The following CSGALNACT2 variants were observed in gnomAD, a reference collection of about 807,000 sequenced individuals.
CSGALNACT2 encodes chondroitin sulfate N-acetylgalactosaminyltransferase 2.
Under a neutral mutation model 55.3 loss-of-function variants are expected in CSGALNACT2, and 35 were observed. The observed-to-expected ratio is 0.63, with a 90% CI of 0.48 to 0.84. The LOEUF is 0.84. Among genes scored for constraint, CSGALNACT2 ranks in the 40% least tolerant of loss-of-function variants. CSGALNACT2 has a pLI of 0.00. For synonymous variants in CSGALNACT2, 196 were observed against 224.9 expected, an observed-to-expected ratio of 0.87 and a Z score of 1.15; for missense variants, 544 against 657.5, an observed-to-expected ratio of 0.83 and a Z score of 1.89.
chr10:43,143,901 T>G (rs1188031640), intron 1 of CSGALNACT2, among the ~76,000 whole-genome samples: 1 of 152,212 alleles, frequency 6.6e-6, no homozygotes, highest in Non-Finnish European at 1.5e-5. Flanking sequence ...TACAGACCAC[T>G]TATTCAATAA....
At chr10:43,163,319 C>A in intron 4 of CSGALNACT2, 1 of 766,028 alleles carries the variant, frequency 1.3e-6, no homozygotes, top group Non-Finnish European at 1.6e-6. Flanking sequence ...ATGAACAAAA[C>A]AAAATCCCTG....
intron 6 of CSGALNACT2, among the ~76,000 whole-genome samples, chr10:43,174,945 G>T (rs1483409962): frequency 1.3e-5 from 2 of 152,202 alleles, no homozygotes; most frequent in Non-Finnish European, 2.9e-5. Flanking sequence ...GTAAGCAGAA[G>T]TGATTCCAAG....
intron 6 of CSGALNACT2, among the ~76,000 whole-genome samples, chr10:43,174,245 A>G (rs1230007161): frequency 6.6e-6 from 1 of 151,772 alleles, no homozygotes; most frequent in African/African-American, 2.4e-5. Flanking sequence ...AAACTCATCC[A>G]TCAGCTCCAA....
At position 43,138,984 on chromosome 10, in the gene CSGALNACT2, T is replaced by G. The variant is rs945985775; in HGVS notation, c.-254+417T>G. ...GGAGGGCTCAGTGGGGCGGAGGAGA[T>G]GGGGAGCCTCTGGCGTTGTCGGAGA... On this transcript the variant is annotated intron_variant, in intron 1 of 7. Transcript: ENST00000374466. Among the ~76,000 whole-genome samples the G allele has an allele frequency of 5.1e-4, 78 of 151,602 alleles. 1 individual carries two copies. The highest frequency in any genetic ancestry group is 1.8e-3 in the African/African-American group (76 of 41,222).
intron 4 of CSGALNACT2, chr10:43,162,595 C>G: frequency 1.0e-6 from 1 of 985,434 alleles, no homozygotes; most frequent in Non-Finnish European, 1.2e-6. Flanking sequence ...ACTCCATGCA[C>G]TATTTGAGCC....
intron 1 of CSGALNACT2, among the ~76,000 whole-genome samples, chr10:43,140,262 T>C (rs1218981806): frequency 6.6e-6 from 1 of 152,196 alleles, no homozygotes; most frequent in Non-Finnish European, 1.5e-5. Context: ...CTGTCAGCTA[T>C]AGAATGACTG....
chr10:43,183,392 G>C lies in CSGALNACT2; in HGVS notation c.1479G>C (p.Glu493Asp). The stretch of plus-strand genomic sequence containing the variant: ...GGCATGAAAAGCGCTGTGCTGATGA[G>C]CTGACCCCCGAGCAGTACCGCATGT... ...HLWHEKRCAD[E>D]LTPEQYRMCI... is the part of the protein sequence containing the mutation. The change falls in exon 8 of 8, where the codon GAG becomes GAC. Residue 493 changes from glutamate to aspartate, a missense_variant. Physicochemically the swap from Glu to Asp is conservative, Grantham distance 45. This residue lies in a region of CSGALNACT2 where 170 missense variants were observed against 256.2 expected (regional missense o/e 0.66). Transcript: ENST00000374466. 6.2e-7 allele frequency: 1 copy of C among 1,614,140 alleles called. No individual in the cohort carries two copies. Among genetic ancestry groups the C allele is most frequent in the Non-Finnish European group, 8.5e-7 (1 of 1,180,028 alleles).
intron 4 of CSGALNACT2, 144 bp from the exon 5 acceptor site, chr10:43,163,722 T>TG: frequency 7.4e-7 from 1 of 1,353,808 alleles, no homozygotes; most frequent in Non-Finnish European, 9.5e-7. Context: ...CACATGAAGC[T>TG]GGGATTTTCT....
chr10:43,138,648 G>C (rs558270315), intron 1 of CSGALNACT2, 81 bp downstream of exon 1: 4 of 151,914 alleles, frequency 2.6e-5, no homozygotes, highest in African/African-American at 9.6e-5. Flanking sequence ...CCGGGGCTGC[G>C]GGCTCCTGTG....
chr10:43,140,180 GA>G (rs1342269593), intron 1 of CSGALNACT2, among the ~76,000 whole-genome samples: 1 of 150,250 alleles, frequency 6.7e-6, no homozygotes, highest in Non-Finnish European at 1.5e-5. Context: ...GTCTCAAAAA[GA>G]AAAGAAAAAA....
chr10:43,179,470 T>G (rs1408255050), intron 7 of CSGALNACT2, among the ~76,000 whole-genome samples: 1 of 152,136 alleles, frequency 6.6e-6, no homozygotes, highest in Non-Finnish European at 1.5e-5. Flanking sequence ...TCCCCGACCT[T>G]TTGGCAATAT....
At chr10:43,147,818 C>T (rs1382099533) in intron 1 of CSGALNACT2, among the ~76,000 whole-genome samples, 1 of 124,692 alleles carries the variant, frequency 8.0e-6, no homozygotes, top group Non-Finnish European at 1.6e-5. Flanking sequence ...TAAAGTAAGA[C>T]AGACAAATGA....
intron 4 of CSGALNACT2, 28 bp from the exon 5 acceptor site, chr10:43,163,838 T>A: frequency 6.3e-7 from 1 of 1,588,962 alleles, no homozygotes; most frequent in Non-Finnish European, 8.6e-7. Context: ...GTGGGACTTA[T>A]CATTTGTTGT....
intron 1 of CSGALNACT2, among the ~76,000 whole-genome samples, chr10:43,143,223 A>G (rs1838669097): frequency 6.6e-6 from 1 of 152,254 alleles, no homozygotes; most frequent in African/African-American, 2.4e-5. Context: ...TTTTGTAGGT[A>G]CTATCTACAT....
At chr10:43,173,959 G>A (rs535725582) in intron 6 of CSGALNACT2, among the ~76,000 whole-genome samples, 1 of 152,140 alleles carries the variant, frequency 6.6e-6, no homozygotes, top group South Asian at 2.1e-4. Context: ...TGCCACTGCC[G>A]TCCAGTCTGG....
intron 6 of CSGALNACT2, among the ~76,000 whole-genome samples, chr10:43,173,072 T>C (rs1839413605): frequency 1.3e-5 from 2 of 152,116 alleles, no homozygotes; most frequent in African/African-American, 2.4e-5. Flanking sequence ...GGAGGGAGAA[T>C]GGATTGTGTG....
At chr10:43,142,372 C>T (rs1043893067) in intron 1 of CSGALNACT2, among the ~76,000 whole-genome samples, 10 of 152,030 alleles carry the variant, frequency 6.6e-5, no homozygotes, top group South Asian at 2.1e-4. Flanking sequence ...CCACCATGCC[C>T]GGCTAATTTT....
chr10:43,166,417 G>T (rs1046291782), intron 5 of CSGALNACT2, among the ~76,000 whole-genome samples: 10 of 152,188 alleles, frequency 6.6e-5, no homozygotes, highest in African/African-American at 1.9e-4. Flanking sequence ...GGGCTAGTTA[G>T]CCTTTATGGT....
At chr10:43,164,504 A>G (rs1038479147) in intron 5 of CSGALNACT2, among the ~76,000 whole-genome samples, 1 of 152,226 alleles carries the variant, frequency 6.6e-6, no homozygotes, top group Non-Finnish European at 1.5e-5. Flanking sequence ...CAGACTGTGC[A>G]TTTTGGGATG....
Sources: gnomAD v4.1 joint callset for allele counts (sites outside exome capture counted in the v4.1 genomes callset) on GRCh38, gnomAD v4.1.1 for gene constraint, gnomAD v4.1.1 regional missense constraint, MANE v1.5 for transcripts, NCBI Gene and HGNC (gene_info 2026-07-23, HGNC 2026-07-21) for gene names.